Variants in NCAM2 observed in about 807,000 individuals in gnomAD.
NCAM2 encodes the protein neural cell adhesion molecule 2, also known as N-CAM-2.
NCAM2 carries 30 observed loss-of-function variants against 98.1 expected under a neutral mutation model. The ratio of observed to expected loss-of-function variants is 0.31; its 90% CI spans 0.23 to 0.41. The LOEUF is 0.41. Among genes scored for constraint, NCAM2 ranks in the 10% least tolerant of loss-of-function variants. The pLI, the probability that NCAM2 is intolerant of heterozygous loss-of-function variation, is 1.00. For missense variants in NCAM2, 867 were observed against 1,005.8 expected, an observed-to-expected ratio of 0.86 and a Z score of 1.87; for synonymous variants, 368 against 342.4, an observed-to-expected ratio of 1.07 and a Z score of -0.83.
At chr21:21,419,207 T>A (rs2077056812) in intron 11 of NCAM2, among the ~76,000 whole-genome samples, 1 of 151,992 alleles carries the variant, frequency 6.6e-6, no homozygotes, top group Non-Finnish European at 1.5e-5. Flanking sequence ...TGCTATACAG[T>A]GAGCATGTAC....
At chr21:21,264,520 A>T (rs533027988) in intron 1 of NCAM2, among the ~76,000 whole-genome samples, 54 of 151,906 alleles carry the variant, frequency 3.6e-4, no homozygotes, top group Admixed American at 1.2e-3. Flanking sequence ...AAAACAAATC[A>T]CTTTTCAAAA....
intron 1 of NCAM2, among the ~76,000 whole-genome samples, chr21:21,012,780 T>C (rs543792228): frequency 6.6e-6 from 1 of 152,302 alleles, no homozygotes; most frequent in South Asian, 2.1e-4. Context: ...TCTGATAGCA[T>C]ATGCTCTCCT....
At chr21:21,520,183 A>T (rs1189893661) in intron 16 of NCAM2, among the ~76,000 whole-genome samples, 1 of 152,150 alleles carries the variant, frequency 6.6e-6, no homozygotes, top group East Asian at 1.9e-4. Context: ...ACAACAAGAG[A>T]CAACTCTAAC....
chr21:21,093,359 G>A (rs950267007), intron 1 of NCAM2, among the ~76,000 whole-genome samples: 52 of 152,062 alleles, frequency 3.4e-4, no homozygotes, highest in Admixed American at 3.1e-3. Context: ...CCAAGAGCGA[G>A]CATGTGCAAT....
intron 8 of NCAM2, among the ~76,000 whole-genome samples, chr21:21,343,352 T>TACACACACACACACACACACAC (rs1207234552): frequency 9.1e-6 from 1 of 110,072 alleles, no homozygotes; most frequent in Non-Finnish European, 2.0e-5. Flanking sequence ...CAACTATCTA[T>TACACACACACACACACACACAC]ACACATACAC....
intron 12 of NCAM2, among the ~76,000 whole-genome samples, chr21:21,446,214 T>A (rs1329951554): frequency 6.6e-6 from 1 of 152,186 alleles, no homozygotes; most frequent in Non-Finnish European, 1.5e-5. Flanking sequence ...GTTAGTCTGA[T>A]GGGCTTCCCC....
At position 21,292,221 on chromosome 21, in the gene NCAM2, A is replaced by T; in HGVS notation, c.599A>T (p.Asp200Val). 3 of 1,609,868 alleles carry T rather than the reference A, an allele frequency of 1.9e-6. No individual in the cohort carries two copies. Among genetic ancestry groups the T allele is most frequent in the Non-Finnish European group, 2.5e-6 (3 of 1,177,638 alleles). The change falls in exon 5 of 18, where the codon GAT becomes GTT. Residue 200 changes from aspartate to valine, a missense_variant. Transcript: ENST00000400546. ...GCCAGGGGAGAAATTGACTTCCGTG[A>T]TATCATTGTTATTGTTAATGGTAAG... ...VEARGEIDFR[D>V]IIVIVNVPPA...
intron 1 of NCAM2, among the ~76,000 whole-genome samples, chr21:21,197,226 T>G (rs1480274456): frequency 6.6e-6 from 1 of 152,066 alleles, no homozygotes; most frequent in African/African-American, 2.4e-5. Context: ...GCCTCCCGGG[T>G]TCAAGCGATT....
intron 5 of NCAM2, among the ~76,000 whole-genome samples, chr21:21,322,281 A>G (rs1195824806): frequency 6.6e-6 from 1 of 152,140 alleles, no homozygotes; most frequent in Non-Finnish European, 1.5e-5. Context: ...GATGGCAGCA[A>G]TAGACACTGA....
intron 1 of NCAM2, among the ~76,000 whole-genome samples, chr21:21,154,099 CTGTT>C (rs1049892501): frequency 6.6e-6 from 1 of 151,784 alleles, no homozygotes. Flanking sequence ...TGTATATTGT[CTGTT>C]TGGCACTTAA....
chr21:21,442,357 A>G (rs1318869525), intron 12 of NCAM2, among the ~76,000 whole-genome samples: 6 of 152,126 alleles, frequency 3.9e-5, no homozygotes, highest in East Asian at 3.9e-4. Context: ...GCGTAGGAAC[A>G]TGGAGGATAG....
At chr21:21,105,559 A>T (rs1456460748) in intron 1 of NCAM2, among the ~76,000 whole-genome samples, 32 of 152,176 alleles carry the variant, frequency 2.1e-4, no homozygotes, top group Admixed American at 2.1e-3. Flanking sequence ...AGGCAAGTAA[A>T]TAATGAATTT....
chr21:21,409,983 A>C (rs1158989012), intron 9 of NCAM2, among the ~76,000 whole-genome samples: 1 of 152,020 alleles, frequency 6.6e-6, no homozygotes, highest in Non-Finnish European at 1.5e-5. Context: ...AATACAAAAG[A>C]TTAGCCTGGC....
At chr21:21,452,664 ATATT>A (rs1981353214) in intron 12 of NCAM2, among the ~76,000 whole-genome samples, 1 of 112,452 alleles carries the variant, frequency 8.9e-6, no homozygotes, top group South Asian at 2.4e-4. Flanking sequence ...TATATTATAT[ATATT>A]TAATATGTAT....
At chr21:21,525,850 C>A (rs189162810) in intron 16 of NCAM2, among the ~76,000 whole-genome samples, 1 of 151,924 alleles carries the variant, frequency 6.6e-6, no homozygotes, top group African/African-American at 2.4e-5. Context: ...TCTGGTTCAA[C>A]GTTAAAAAAT....
intron 9 of NCAM2, among the ~76,000 whole-genome samples, chr21:21,400,866 T>C (rs1602226167): frequency 2.0e-5 from 3 of 152,352 alleles, no homozygotes; most frequent in East Asian, 1.9e-4. Flanking sequence ...ATGCCACCTT[T>C]TATATGGACT....
rs1555882862 is a variant in NCAM2, at chr21:21,087,066, A to ACG, written c.55+88448_55+88449insCG. Among the ~76,000 whole-genome samples the ACG allele has an allele frequency of 5.0e-3, 758 of 151,720 alleles. 6 individuals are homozygous for ACG. The highest frequency in any genetic ancestry group is 8.1e-3 in the Non-Finnish European group (551 of 67,854). On this transcript the variant is annotated intron_variant, in intron 1 of 17. Transcript: ENST00000400546. ...TGACATGAAAGTTTATGTTAAGATTATGTGTGTGTGTGCGTGTGTGTGTGT... is the reference window on the plus strand; with the variant it reads ...TGACATGAAAGTTTATGTTAAGATTACGTGTGTGTGTGTGCGTGTGTGTGTGT...
At chr21:21,018,025 A>G (rs1397938145) in intron 1 of NCAM2, among the ~76,000 whole-genome samples, 1 of 152,188 alleles carries the variant, frequency 6.6e-6, no homozygotes, top group African/African-American at 2.4e-5. Context: ...AAATTCATGA[A>G]TATTTTACGT....
intron 5 of NCAM2, among the ~76,000 whole-genome samples, chr21:21,311,621 G>A (rs373529939): frequency 2.8e-4 from 42 of 152,210 alleles, no homozygotes; most frequent in African/African-American, 7.5e-4. Flanking sequence ...GATTACAGGC[G>A]TGATCCACTG....
Sources: allele counts gnomAD v4.1 joint callset (sites outside exome capture counted in the v4.1 genomes callset), GRCh38; gene constraint gnomAD v4.1.1; transcripts MANE v1.5; gene names NCBI Gene and HGNC (gene_info 2026-07-23, HGNC 2026-07-21).